The following ARHGEF10L variants were observed in gnomAD, a reference collection of about 807,000 sequenced individuals.
ARHGEF10L encodes rho guanine nucleotide exchange factor 10-like protein.
Under a neutral mutation model 141.2 loss-of-function variants are expected in ARHGEF10L, and 69 were observed. The observed-to-expected ratio is 0.49, with a 90% confidence interval of 0.40 to 0.60. ARHGEF10L has a LOEUF of 0.60. Among genes scored for constraint, ARHGEF10L ranks in the 20% least tolerant of loss-of-function variants. The probability of loss-of-function intolerance (pLI) is 0.00; values close to 1 mark genes in which losing one functional copy is unlikely to be tolerated. For synonymous variants in ARHGEF10L, 711 were observed against 718.5 expected (o/e 0.99, Z 0.17); for missense variants, 1,482 against 1,734.3 (o/e 0.85, Z 2.58).
At position 17,656,142 on chromosome 1, in the gene ARHGEF10L, G is replaced by A; in HGVS notation, c.2705+40G>A. On this transcript the variant is annotated intron_variant, in intron 24 of 28. Transcript: ENST00000361221. The surrounding 1 kb of genome is among the most constrained non-coding windows in gnomAD (Gnocchi z 4.9). Reference sequence around the variant, plus strand: ...AGGAGGGGTGAGAGCAGCCTCTGCAGGGCTGGGCAGTGGGTGGGGGCTGTC... The same window carrying A: ...AGGAGGGGTGAGAGCAGCCTCTGCAAGGCTGGGCAGTGGGTGGGGGCTGTC... 1 of 1,543,054 alleles carries A rather than the reference G, an allele frequency of 6.5e-7. No homozygotes were observed. Among genetic ancestry groups the A allele is most frequent in the Admixed American group, 2.0e-5 (1 of 50,958 alleles).
At chr1:17,588,693 G>A (rs146201225) in intron 4 of ARHGEF10L, among the ~76,000 whole-genome samples, 15 of 152,032 alleles carry the variant, frequency 9.9e-5, no homozygotes, top group Non-Finnish European at 2.1e-4. Flanking sequence ...CTCTGAAACC[G>A]CAGGAGGCAG....
rs574088493 is a variant in ARHGEF10L at position 17,606,616 on chromosome 1, A to T, written c.434-1186A>T. ...GTCAGATTCCTTTTTTTTTTTTTTT[A>T]AAAAAACACAAAAACAAAAAAACCC... On this transcript the variant is annotated intron_variant, in intron 6 of 28. Transcript: ENST00000361221. 4.1e-3 allele frequency among the ~76,000 whole-genome samples: 603 copies of T among 146,758 alleles called. 2 individuals carry two copies. Among genetic ancestry groups the T allele is most frequent in the African/African-American group, 9.1e-3 (362 of 39,742 alleles).
rs2079127668 is a variant in ARHGEF10L, at chr1:17,587,558, A to C, written c.136A>C (p.Thr46Pro). 3.1e-6 allele frequency: 5 copies of C among 1,614,194 alleles called. No individual in the cohort carries two copies. In the East Asian group the frequency reaches 1.1e-4, roughly 36 times the overall value. ...TGATGACAGTGATGATGAAGAGGAC[A>C]CCAGCGCAGCCCTGGGCGTCCCCAG... ...EFDDSDDEED[T>P]SAALGVPSLA... The change falls in exon 3 of 29, where the codon ACC becomes CCC. Residue 46 changes from threonine to proline, a missense_variant. By Grantham distance (38) the Thr-to-Pro change is conservative. This residue lies in a region of ARHGEF10L where 232 missense variants were observed against 225.9 expected (regional missense o/e 1.03). Coordinates refer to ENST00000361221, the MANE Select transcript of ARHGEF10L (RefSeq NM_018125.4).
chr1:17,568,603 G>A (rs568310436), intron 1 of ARHGEF10L, among the ~76,000 whole-genome samples: 3 of 152,284 alleles, frequency 2.0e-5, no homozygotes, highest in South Asian at 2.1e-4. Context: ...ATGTCGGGGG[G>A]TGCTTGAAGC....
chr1:17,584,188 G>T (rs980986391), intron 2 of ARHGEF10L, among the ~76,000 whole-genome samples: 144 of 152,176 alleles, frequency 9.5e-4, no homozygotes, highest in African/African-American at 3.3e-3. Context: ...GGGACTACAG[G>T]TGTATGCTAC....
At position 17,607,737 on chromosome 1, in the gene ARHGEF10L, G is replaced by A; in HGVS notation, c.434-65G>A. On this transcript the variant is annotated intron_variant, in intron 6 of 28. Coordinates refer to ENST00000361221, the MANE Select transcript of ARHGEF10L (RefSeq NM_018125.4). This position sits in a 1 kb window ranked among gnomAD's most constrained non-coding sequence, Gnocchi z 4.5. Reference sequence around the variant, plus strand: ...CCACCTGGGTTCAGAAATTGGGTCTGAGGCTGGAAGTCTGGTAGGCTTGGC... The same window carrying A: ...CCACCTGGGTTCAGAAATTGGGTCTAAGGCTGGAAGTCTGGTAGGCTTGGC... The A allele has an allele frequency of 7.1e-7, 1 of 1,411,540 alleles. No homozygotes were observed. Among genetic ancestry groups the A allele is most frequent in the Non-Finnish European group, 9.3e-7 (1 of 1,080,816 alleles). The allele number at this position is 1,411,540 out of a possible 1,614,324, so 87.4% of individuals were successfully genotyped here.
At chr1:17,616,263 T>TGGGG in intron 9 of ARHGEF10L, 61 bp downstream of exon 9, 6 of 709,816 alleles carry the variant, frequency 8.5e-6, no homozygotes, top group Non-Finnish European at 1.2e-5. Context: ...TCGGGGAGGG[T>TGGGG]GGGATTTTGC....
At chr1:17,622,677 G>A (rs928772566) in intron 11 of ARHGEF10L, among the ~76,000 whole-genome samples, 2 of 152,146 alleles carry the variant, frequency 1.3e-5, no homozygotes, top group Non-Finnish European at 2.9e-5. Context: ...TGACCTTACC[G>A]CTCGTGGGCT....
the ARHGEF10L span, among the ~76,000 whole-genome samples, chr1:17,522,584 G>A: frequency 6.6e-6 from 1 of 151,906 alleles, no homozygotes; most frequent in Non-Finnish European, 1.5e-5. Context: ...GGGCAGAAGT[G>A]TCAGGGCTGC....
At chr1:17,546,598 T>A (rs2076923807) in intron 1 of ARHGEF10L, among the ~76,000 whole-genome samples, 1 of 152,200 alleles carries the variant, frequency 6.6e-6, no homozygotes, top group Non-Finnish European at 1.5e-5. Context: ...TCCCCTCCTT[T>A]ATGCGGTTTT....
intron 26 of ARHGEF10L, among the ~76,000 whole-genome samples, chr1:17,666,189 T>C (rs181386608): frequency 6.6e-5 from 10 of 152,330 alleles, no homozygotes; most frequent in African/African-American, 2.2e-4. Context: ...AGAGCCACGT[T>C]TAACCAAATA....
At chr1:17,525,240 C>T in the ARHGEF10L span, among the ~76,000 whole-genome samples, 2 of 152,196 alleles carry the variant, frequency 1.3e-5, no homozygotes, top group South Asian at 2.1e-4. Flanking sequence ...CCTTCTCCCT[C>T]CGCATCTTAG....
At chr1:17,661,271 T>G (rs1489869585) in intron 25 of ARHGEF10L, among the ~76,000 whole-genome samples, 2 of 152,074 alleles carry the variant, frequency 1.3e-5, no homozygotes, top group Admixed American at 1.3e-4. Flanking sequence ...AGAGAAGGGG[T>G]TTCACCATGT....
At chr1:17,551,781 G>T (rs986865604) in intron 1 of ARHGEF10L, among the ~76,000 whole-genome samples, 2 of 152,138 alleles carry the variant, frequency 1.3e-5, no homozygotes, top group Admixed American at 6.5e-5. Context: ...TAAGCAACTT[G>T]CCTGAGGTCT....
In ARHGEF10L at chr1:17,654,657, C is replaced by T; in HGVS notation, c.2416C>T (p.Pro806Ser). ...SLQLGALVHS[P>S]VNCPLLGFSA... is the part of the protein sequence containing the mutation. ...GCAGCTTGGGGCCCTGGTCCACAGT[C>T]CTGTCAACTGTCCCCTGCTGGGTTT... Residue 806 changes from proline to serine, a missense_variant, in exon 23 of 29, where the codon CCT becomes TCT. By Grantham distance (74) the Pro-to-Ser change is moderately conservative (BLOSUM62 -1). This residue lies in a region of ARHGEF10L where 858 missense variants were observed against 966.3 expected (regional missense o/e 0.89). Coordinates refer to ENST00000361221, the MANE Select transcript of ARHGEF10L (RefSeq NM_018125.4). This position sits in a 1 kb window ranked among gnomAD's most constrained non-coding sequence, Gnocchi z 4.3. The T allele has an allele frequency of 1.2e-6, 2 of 1,614,228 alleles. No individual in the cohort carries two copies. The highest frequency in any genetic ancestry group is 1.1e-5 in the South Asian group (1 of 91,084).
Position 17,638,018 on chromosome 1 carries a change from C to A in ARHGEF10L, c.2043+15C>A. On this transcript the variant is annotated intron_variant, in intron 19 of 28. Coordinates refer to ENST00000361221, the MANE Select transcript of ARHGEF10L (RefSeq NM_018125.4). Reference sequence around the variant, plus strand: ...GCACCTACCAGGTACGTGGCCTGGCCTGACCTTTTTGGCCTGAGCTCCCCA... The same window carrying A: ...GCACCTACCAGGTACGTGGCCTGGCATGACCTTTTTGGCCTGAGCTCCCCA... The A allele has an allele frequency of 6.4e-7, 1 of 1,564,046 alleles. No homozygotes were observed. Among genetic ancestry groups the A allele is most frequent in the Non-Finnish European group, 8.7e-7 (1 of 1,153,398 alleles).
chr1:17,622,077 G>A (rs2060138307), intron 11 of ARHGEF10L, 136 bp downstream of exon 11: 2 of 821,462 alleles, frequency 2.4e-6, no homozygotes, highest in Non-Finnish European at 4.0e-6. Flanking sequence ...GCTTTATGGG[G>A]ACAGTAGAAC....
intron 18 of ARHGEF10L, among the ~76,000 whole-genome samples, chr1:17,637,423 T>C (rs1362692980): frequency 6.6e-6 from 1 of 152,182 alleles, no homozygotes; most frequent in African/African-American, 2.4e-5. Context: ...TGTTAGACTT[T>C]ACTCTTGAAA....
chr1:17,536,615 C>A (rs542017240), upstream of ARHGEF10L, among the ~76,000 whole-genome samples: 1 of 152,258 alleles, frequency 6.6e-6, no homozygotes, highest in South Asian at 2.1e-4. Context: ...TATTTATTTT[C>A]CAGCATATGT....
Sources: allele counts gnomAD v4.1 joint callset (sites outside exome capture counted in the v4.1 genomes callset), GRCh38; gene constraint gnomAD v4.1.1; regional missense constraint gnomAD v4.1.1; non-coding constraint Gnocchi (gnomAD v3.1); transcripts MANE v1.5; gene names NCBI Gene and HGNC (gene_info 2026-07-23, HGNC 2026-07-21).